ELF2: variants seen among roughly 807,000 people sequenced by gnomAD.
ELF2 encodes the protein ETS-related transcription factor Elf-2.
In ELF2, 11 loss-of-function variants were observed where a neutral mutation model predicts 54.8. That is an observed-to-expected ratio of 0.20 (90% confidence interval 0.13 to 0.33). The LOEUF (loss-of-function observed/expected upper bound fraction) is 0.33, where lower values mean the gene tolerates loss of function less well. ELF2 is among the 10% of genes least tolerant of loss of function. The pLI is 1.00. For missense variants in ELF2, 513 were observed against 703.0 expected (o/e 0.73, Z 3.06); for synonymous variants, 203 against 245.1 (o/e 0.83, Z 1.61).
chr4:139,144,910 G>A (rs1739077727), intron 1 of ELF2, among the ~76,000 whole-genome samples: 1 of 152,166 alleles, frequency 6.6e-6, no homozygotes, highest in Non-Finnish European at 1.5e-5. Context: ...CACCTGCCCT[G>A]GTAGGTTAAC....
chr4:139,131,306 TG>T (rs1024007247), intron 3 of ELF2, among the ~76,000 whole-genome samples: 9 of 152,368 alleles, frequency 5.9e-5, no homozygotes, highest in African/African-American at 2.2e-4. Context: ...GCAACCCTAC[TG>T]TAAGTATTAA....
intron 4 of ELF2, chr4:139,084,286 C>G: frequency 6.2e-7 from 1 of 1,600,992 alleles, no homozygotes; most frequent in East Asian, 2.2e-5. Flanking sequence ...GAGACACACG[C>G]CGTGCGACCG....
chr4:139,113,945 A>G (rs1362509300), intron 4 of ELF2, among the ~76,000 whole-genome samples: 2 of 152,024 alleles, frequency 1.3e-5, no homozygotes, highest in Admixed American at 6.5e-5. Flanking sequence ...TTTGGCCACT[A>G]TTTTCTCCTT....
At chr4:139,065,023 C>CT (rs970033122) in intron 7 of ELF2, among the ~76,000 whole-genome samples, 23 of 152,010 alleles carry the variant, frequency 1.5e-4, no homozygotes, top group Middle Eastern at 3.4e-3. Context: ...CAGTTATTTT[C>CT]TTTTTTTTGC....
intron 4 of ELF2, among the ~76,000 whole-genome samples, chr4:139,085,935 C>G (rs1373849640): frequency 1.3e-5 from 2 of 152,114 alleles, no homozygotes; most frequent in Non-Finnish European, 2.9e-5. Context: ...TTAGTCCACT[C>G]CTTCACTTTA....
chr4:139,164,364 G>A (rs1485435235), intron 1 of ELF2, among the ~76,000 whole-genome samples: 2 of 152,094 alleles, frequency 1.3e-5, no homozygotes, highest in Non-Finnish European at 2.9e-5. Context: ...GGTCAGGCAC[G>A]GTGGCTCACG....
intron 7 of ELF2, among the ~76,000 whole-genome samples, chr4:139,062,455 G>A (rs1209548282): frequency 1.3e-5 from 2 of 152,214 alleles, no homozygotes; most frequent in East Asian, 3.8e-4. Flanking sequence ...ACAGGCGTGA[G>A]CCACTGTGTC....
chr4:139,164,494 G>T (rs1372377752), intron 1 of ELF2, among the ~76,000 whole-genome samples: 1 of 151,998 alleles, frequency 6.6e-6, no homozygotes, highest in Non-Finnish European at 1.5e-5. Context: ...AAAATTAGGT[G>T]GGCGTGGTGG....
intron 5 of ELF2, among the ~76,000 whole-genome samples, chr4:139,072,631 C>A (rs899244862): frequency 1.3e-5 from 2 of 152,170 alleles, no homozygotes; most frequent in Non-Finnish European, 2.9e-5. Flanking sequence ...ACAGTAGGTA[C>A]AAATTGTTAT....
chr4:139,118,479 G>A (rs1236674122), intron 4 of ELF2, among the ~76,000 whole-genome samples: 3 of 152,070 alleles, frequency 2.0e-5, no homozygotes, highest in African/African-American at 7.2e-5. Context: ...AAAATAACTA[G>A]GAGAATACAG....
chr4:139,169,117 G>A (rs1038491821), intron 1 of ELF2, among the ~76,000 whole-genome samples: 1 of 151,886 alleles, frequency 6.6e-6, no homozygotes, highest in East Asian at 1.9e-4. Context: ...GGAGGCCAGG[G>A]CAGGCAGATC....
Position 139,061,748 on chromosome 4 carries a change from A to G in ELF2, c.806+117T>C, listed in dbSNP as rs575763106. The G allele has an allele frequency of 5.0e-6, 6 of 1,203,206 alleles. No homozygotes were observed. The African/African-American group carries it at 6.2e-5, about 12-fold the overall frequency. The allele number at this position is 1,203,206 out of a possible 1,614,324, so 74.5% of individuals were successfully genotyped here. On this transcript the variant is annotated intron_variant, in intron 8 of 9. Coordinates refer to ENST00000686138, the MANE Select transcript of ELF2 (RefSeq NM_001331036.3). ...ACTTCCAAATCTAAGAAGCTCCTCT[A>G]GAATATCCCCCAAAGTTAAAAGTTG...
At chr4:139,096,068 G>A (rs1733243536) in intron 4 of ELF2, among the ~76,000 whole-genome samples, 1 of 152,026 alleles carries the variant, frequency 6.6e-6, no homozygotes, top group South Asian at 2.1e-4. Context: ...CCGAGATCAC[G>A]CCACTGCACT....
chr4:139,061,848 C>A lies in ELF2; in HGVS notation c.806+17G>T, dbSNP rs1404977119. 7 of 1,609,730 alleles carry A rather than the reference C, an allele frequency of 4.3e-6. No individual in the cohort carries two copies. Among genetic ancestry groups the A allele is most frequent in the Admixed American group, 1.7e-5 (1 of 58,940 alleles). ...TACATAAATTTTGTTTGAATACTAG[C>A]TCATTTGAGTTTTTACCTCAAAGCT... On this transcript the variant is annotated intron_variant, in intron 8 of 9. Coordinates refer to ENST00000686138, the MANE Select transcript of ELF2 (RefSeq NM_001331036.3).
chr4:139,117,085 T>C (rs1428094446), intron 4 of ELF2, among the ~76,000 whole-genome samples: 1 of 152,208 alleles, frequency 6.6e-6, no homozygotes, highest in Non-Finnish European at 1.5e-5. Flanking sequence ...TTAAGTTTTC[T>C]TGATAATTAA....
At chr4:139,074,274 G>C (rs1262508783) in intron 4 of ELF2, among the ~76,000 whole-genome samples, 14 of 152,144 alleles carry the variant, frequency 9.2e-5, no homozygotes, top group Admixed American at 9.2e-4. Flanking sequence ...GGAGAGGCTG[G>C]TTGTAGATTA....
At chr4:139,092,404 T>TAACAAACATAACA (rs879540671) in intron 4 of ELF2, among the ~76,000 whole-genome samples, 2 of 89,532 alleles carry the variant, frequency 2.2e-5, no homozygotes, top group Non-Finnish European at 4.5e-5. Flanking sequence ...TAACATAACA[T>TAACAAACATAACA]AACATAACAT....
At chr4:139,163,564 T>C (rs1414485549) in intron 1 of ELF2, among the ~76,000 whole-genome samples, 1 of 152,098 alleles carries the variant, frequency 6.6e-6, no homozygotes, top group Non-Finnish European at 1.5e-5. Context: ...CCAAGAATGT[T>C]GTGGAAGATC....
chr4:139,149,081 C>G (rs1739574194), intron 1 of ELF2, among the ~76,000 whole-genome samples: 1 of 151,992 alleles, frequency 6.6e-6, no homozygotes, highest in Non-Finnish European at 1.5e-5. Flanking sequence ...CAATTACCAC[C>G]TTAATTCAAC....
Sources: gnomAD v4.1 joint callset for allele counts (sites outside exome capture counted in the v4.1 genomes callset) on GRCh38, gnomAD v4.1.1 for gene constraint, MANE v1.5 for transcripts, NCBI Gene and HGNC (gene_info 2026-07-23, HGNC 2026-07-21) for gene names.